The following RGS7 variants were observed in gnomAD, a reference collection of about 807,000 sequenced individuals.
RGS7 encodes the protein regulator of G-protein signaling 7.
RGS7 carries 27 observed loss-of-function variants against 81.1 expected under a neutral mutation model. The observed-to-expected ratio is 0.33, with a 90% confidence interval of 0.25 to 0.46. The LOEUF is 0.46. RGS7 is among the 20% of genes least tolerant of loss of function. The pLI is 1.00. For missense variants in RGS7, 396 were observed against 607.4 expected (o/e 0.65, Z 3.66); for synonymous variants, 208 against 207.7 (o/e 1.00, Z -0.01).
In RGS7 at chr1:241,221,444, C is replaced by T. The variant is rs139685381; in HGVS notation, c.79-122682G>A. ...CTTCCTTTGTCCATGGATATAGTGA[C>T]GTGACTGAGAATAGTCAGTGGAATA... is the stretch of plus-strand genomic sequence containing the variant. On this transcript the variant is annotated intron_variant, in intron 2 of 18. Coordinates refer to ENST00000440928, the MANE Select transcript of RGS7 (RefSeq NM_001364886.1). Among the ~76,000 whole-genome samples, 6 of 152,268 alleles carry T rather than the reference C, an allele frequency of 3.9e-5. No homozygotes were observed. In the East Asian group the frequency reaches 1.2e-3, roughly 29 times the overall value.
chr1:241,034,721 G>A (rs2060244427), intron 3 of RGS7, among the ~76,000 whole-genome samples: 1 of 152,176 alleles, frequency 6.6e-6, no homozygotes, highest in Non-Finnish European at 1.5e-5. Context: ...CATGCATGGA[G>A]GGGCAAAAGA....
chr1:241,000,895 G>T (rs1284036272), intron 3 of RGS7, among the ~76,000 whole-genome samples: 9 of 149,744 alleles, frequency 6.0e-5, no homozygotes. Flanking sequence ...GACCTCAGGT[G>T]ATCCACCTGC....
chr1:241,056,413 G>A (rs2061482091), intron 3 of RGS7, among the ~76,000 whole-genome samples: 1 of 152,090 alleles, frequency 6.6e-6, no homozygotes, highest in South Asian at 2.1e-4. Flanking sequence ...ACGTTTTTGT[G>A]TGTGCCTTTA....
chr1:241,179,318 C>T (rs766048552), intron 2 of RGS7, among the ~76,000 whole-genome samples: 5 of 152,170 alleles, frequency 3.3e-5, no homozygotes, highest in Middle Eastern at 3.2e-3. Context: ...AGGCTGGTCT[C>T]GAACTCCTGA....
At chr1:241,260,352 G>A (rs1473252858) in intron 2 of RGS7, among the ~76,000 whole-genome samples, 1 of 152,210 alleles carries the variant, frequency 6.6e-6, no homozygotes, top group Non-Finnish European at 1.5e-5. Flanking sequence ...TACCTGCTCA[G>A]TGGCTGAATC....
At chr1:241,070,538 T>C (rs1235995660) in intron 3 of RGS7, among the ~76,000 whole-genome samples, 1 of 152,190 alleles carries the variant, frequency 6.6e-6, no homozygotes, top group Non-Finnish European at 1.5e-5. Flanking sequence ...TGTGGAAATG[T>C]TGCATTCCAC....
chr1:241,043,170 T>C (rs1209845224), intron 3 of RGS7, among the ~76,000 whole-genome samples: 2 of 152,184 alleles, frequency 1.3e-5, no homozygotes, highest in African/African-American at 2.4e-5. Flanking sequence ...AGGGTATATC[T>C]GATCTATTTC....
At chr1:240,824,509 T>C (rs1692430929) in intron 10 of RGS7, among the ~76,000 whole-genome samples, 1 of 152,244 alleles carries the variant, frequency 6.6e-6, no homozygotes, top group Admixed American at 6.5e-5. Flanking sequence ...GGCTGGCCTC[T>C]GCCATTTCTG....
chr1:241,226,086 T>C (rs1256473134), intron 2 of RGS7, among the ~76,000 whole-genome samples: 1 of 151,850 alleles, frequency 6.6e-6, no homozygotes, highest in Non-Finnish European at 1.5e-5. Context: ...AAACCAAGAG[T>C]GATGGAGATG....
intron 2 of RGS7, among the ~76,000 whole-genome samples, chr1:241,294,696 T>TA (rs2079293736): frequency 6.6e-6 from 1 of 152,162 alleles, no homozygotes; most frequent in African/African-American, 2.4e-5. Context: ...GGGTGTACCA[T>TA]TTTTTTCCTC....
chr1:240,934,787 T>C (rs1003885477), intron 5 of RGS7, among the ~76,000 whole-genome samples: 1 of 151,942 alleles, frequency 6.6e-6, no homozygotes. Context: ...CATATGTCAT[T>C]TGTACCCATT....
intron 9 of RGS7, among the ~76,000 whole-genome samples, chr1:240,854,558 G>A (rs1017967695): frequency 6.6e-6 from 1 of 152,104 alleles, no homozygotes; most frequent in Non-Finnish European, 1.5e-5. Flanking sequence ...GCTACGCCTC[G>A]TCTGGACTTT....
chr1:241,263,606 T>C (rs548692771), intron 2 of RGS7, among the ~76,000 whole-genome samples: 4 of 152,334 alleles, frequency 2.6e-5, no homozygotes, highest in South Asian at 2.1e-4. Flanking sequence ...ACTAAGGTTA[T>C]AGCAGATAAT....
chr1:241,213,853 T>C (rs1157813535), intron 2 of RGS7, among the ~76,000 whole-genome samples: 1 of 152,078 alleles, frequency 6.6e-6, no homozygotes, highest in East Asian at 1.9e-4. Context: ...CAGCTTTGAC[T>C]TCCCAAGCTT....
intron 3 of RGS7, among the ~76,000 whole-genome samples, chr1:241,020,182 G>T (rs1430457148): frequency 6.6e-6 from 1 of 152,202 alleles, no homozygotes; most frequent in Admixed American, 6.6e-5. Context: ...CTACTGCAAA[G>T]TCTGGTATGA....
intron 2 of RGS7, among the ~76,000 whole-genome samples, chr1:241,117,690 A>T (rs947510417): frequency 2.6e-5 from 4 of 152,200 alleles, no homozygotes; most frequent in Middle Eastern, 3.2e-3. Flanking sequence ...TGTAATGTAC[A>T]GGCTTGAGTG....
intron 9 of RGS7, among the ~76,000 whole-genome samples, chr1:240,853,596 T>C (rs1171007308): frequency 2.0e-5 from 3 of 152,150 alleles, no homozygotes; most frequent in East Asian, 3.9e-4. Flanking sequence ...ATTCATTACA[T>C]GTACTACCAG....
intron 2 of RGS7, among the ~76,000 whole-genome samples, chr1:241,117,307 T>C (rs1350726710): frequency 1.3e-5 from 2 of 152,166 alleles, no homozygotes; most frequent in Non-Finnish European, 2.9e-5. Flanking sequence ...TCACATGCAT[T>C]CTCTGGGAAC....
chr1:240,854,425 T>C (rs1430213563), intron 9 of RGS7, among the ~76,000 whole-genome samples: 1 of 152,222 alleles, frequency 6.6e-6, no homozygotes, highest in Non-Finnish European at 1.5e-5. Flanking sequence ...TTGGCTGGAA[T>C]ATGATGCTCT....
Sources: gnomAD v4.1 joint callset for allele counts (sites outside exome capture counted in the v4.1 genomes callset) on GRCh38, gnomAD v4.1.1 for gene constraint, MANE v1.5 for transcripts, NCBI Gene and HGNC (gene_info 2026-07-23, HGNC 2026-07-21) for gene names.